Variants in NCOR1 observed in about 807,000 individuals in gnomAD.
The protein encoded by NCOR1 is nuclear receptor corepressor 1, also known as protein phosphatase 1, regulatory subunit 109.
A neutral mutation model predicts 288.1 loss-of-function variants in NCOR1; 63 were observed. The observed-to-expected ratio is 0.22, with a 90% CI of 0.18 to 0.27. NCOR1 has a LOEUF of 0.27. NCOR1 is among the 10% of genes least tolerant of loss of function. The pLI is 1.00. For missense variants in NCOR1, 2,397 were observed against 3,019.2 expected (o/e 0.79, Z 4.83); for synonymous variants, 1,007 against 1,065.9 (o/e 0.94, Z 1.08).
chr17:16,127,714 T>G (rs1010241953), intron 14 of NCOR1, among the ~76,000 whole-genome samples: 8 of 123,672 alleles, frequency 6.5e-5, no homozygotes, highest in African/African-American at 1.6e-4. Context: ...TATGTGTGTG[T>G]ATATATACAT....
intron 40 of NCOR1, among the ~76,000 whole-genome samples, chr17:16,052,196 T>G (rs961770239): frequency 4.0e-5 from 6 of 151,626 alleles, no homozygotes; most frequent in African/African-American, 1.5e-4. Context: ...GTATTTCTTT[T>G]TTTTTTTTTA....
In NCOR1 at chr17:16,090,806, G is replaced by C. The variant is rs1403436968; in HGVS notation, c.3016+1057C>G. On this transcript the variant is annotated intron_variant, in intron 22 of 45. Coordinates refer to ENST00000268712, the MANE Select transcript of NCOR1 (RefSeq NM_006311.4). ...TATTGGTGTGATCTGGGCAGAGTCA[G>C]CAGGATCAGTTAAGTACCACAGTTC... 4.6e-5 allele frequency among the ~76,000 whole-genome samples: 7 copies of C among 152,170 alleles called. No individual in the cohort carries two copies. In the East Asian group the frequency reaches 1.2e-3, roughly 25 times the overall value.
At chr17:16,107,284 C>A (rs972852030) in intron 19 of NCOR1, among the ~76,000 whole-genome samples, 1 of 151,984 alleles carries the variant, frequency 6.6e-6, no homozygotes, top group Non-Finnish European at 1.5e-5. Flanking sequence ...AGCCCTACCC[C>A]CCAATGTAAC....
At chr17:16,039,322 CTG>C (rs1567644262) in intron 44 of NCOR1, 109 bp downstream of exon 44, 2 of 1,054,628 alleles carry the variant, frequency 1.9e-6, no homozygotes, top group African/African-American at 3.2e-5. Context: ...AGAGGTGACT[CTG>C]AGCACATAAA....
rs2092416083 is a variant in NCOR1, at chr17:16,214,846, GT to G, written c.-71+515del. On this transcript the variant is annotated intron_variant, in intron 1 of 45. Coordinates refer to ENST00000268712, the MANE Select transcript of NCOR1 (RefSeq NM_006311.4). The stretch of plus-strand genomic sequence containing the variant: ...GTTCGGATCTTTGCCATCTCCACCA[GT>G]ACCCAGCCTTCGCCATTACACCCTG... 3.9e-5 allele frequency among the ~76,000 whole-genome samples: 6 copies of G among 152,328 alleles called. No individual in the cohort carries two copies. In the South Asian group the frequency reaches 1.2e-3, roughly 32 times the overall value.
intron 23 of NCOR1, chr17:16,084,476 A>G (rs2063902335): frequency 6.6e-6 from 1 of 152,482 alleles, no homozygotes; most frequent in Non-Finnish European, 1.5e-5. Flanking sequence ...AGCTGATTAT[A>G]TAATTTATAT....
chr17:16,074,136 G>C (rs2062096776), intron 27 of NCOR1, among the ~76,000 whole-genome samples: 1 of 152,090 alleles, frequency 6.6e-6, no homozygotes. Context: ...GGAAGAGTGT[G>C]GGGGAGGTAA....
intron 6 of NCOR1, among the ~76,000 whole-genome samples, chr17:16,154,513 TGC>T (rs1056069991): frequency 1.3e-5 from 2 of 152,102 alleles, no homozygotes; most frequent in African/African-American, 2.4e-5. Flanking sequence ...GGTAACAGTG[TGC>T]TTGGCAGAAA....
intron 15 of NCOR1, among the ~76,000 whole-genome samples, chr17:16,124,618 C>T (rs1426663717): frequency 1.3e-5 from 2 of 152,188 alleles, no homozygotes; most frequent in Non-Finnish European, 2.9e-5. Flanking sequence ...CTACCACACC[C>T]CTGTATGTCC....
chr17:16,175,770 G>A (rs1448096137), intron 3 of NCOR1, among the ~76,000 whole-genome samples: 1 of 151,100 alleles, frequency 6.6e-6, no homozygotes, highest in Non-Finnish European at 1.5e-5. Context: ...TGTAATCTGA[G>A]CTACTCAGAA....
At position 16,080,402 on chromosome 17, in the gene NCOR1, T is replaced by C. The variant is rs755418237; in HGVS notation, c.3400+6A>G. On this transcript the variant is annotated splice_donor_region_variant and intron_variant, in intron 25 of 45. Transcript: ENST00000268712. ...TTTAACATTTCTGCCAACCAGCATATTTTACCTCTGACTACACCTTCATGT... is the reference window on the plus strand; with the variant it reads ...TTTAACATTTCTGCCAACCAGCATACTTTACCTCTGACTACACCTTCATGT... 4 of 1,607,598 alleles carry C rather than the reference T, an allele frequency of 2.5e-6. No homozygotes were observed. In the South Asian group the frequency reaches 4.4e-5, roughly 18 times the overall value.
Position 16,095,234 on chromosome 17 carries a change from A to G in NCOR1, c.2820+3133T>C, listed in dbSNP as rs1598510466. On this transcript the variant is annotated intron_variant, in intron 21 of 45. Transcript: ENST00000268712. The stretch of plus-strand genomic sequence containing the variant: ...ACCCCGCCGCCCCGTCTGGGATGTG[A>G]GGAGCACCTCGGCCCGGCCGCGACC... Among the ~76,000 whole-genome samples, 3 of 146,380 alleles carry G rather than the reference A, an allele frequency of 2.0e-5. No individual in the cohort carries two copies. The East Asian group carries it at 6.4e-4, about 31-fold the overall frequency.
chr17:16,029,263 A>C lies in NCOR1; in HGVS notation c.*3033T>G, dbSNP rs1021803207. Reference sequence around the variant, plus strand: ...TAGGAGTTTTCAGGACAGTCTCTTCATGTGGGTGTTTTCATTACAGTTCAT... The same window carrying C: ...TAGGAGTTTTCAGGACAGTCTCTTCCTGTGGGTGTTTTCATTACAGTTCAT... On this transcript the variant is annotated 3_prime_UTR_variant, in exon 46 of 46. Coordinates refer to ENST00000268712, the MANE Select transcript of NCOR1 (RefSeq NM_006311.4). 1 of 453,714 alleles carries C rather than the reference A, an allele frequency of 2.2e-6. No homozygotes were observed. Among genetic ancestry groups the C allele is most frequent in the Non-Finnish European group, 4.4e-6 (1 of 226,682 alleles). The allele number at this position is 453,714 out of a possible 1,614,324, so 28.1% of individuals were successfully genotyped here. A position where few individuals can be genotyped will look rare whatever the true frequency, so the allele number is the denominator to read the frequency against.
At chr17:16,090,581 C>T (rs1482444544) in intron 22 of NCOR1, among the ~76,000 whole-genome samples, 1 of 152,148 alleles carries the variant, frequency 6.6e-6, no homozygotes, top group Non-Finnish European at 1.5e-5. Context: ...CTAGACCCAA[C>T]AGAGTAAAAG....
intron 17 of NCOR1, 62 bp downstream of exon 17, chr17:16,119,361 C>A: frequency 8.4e-7 from 1 of 1,192,318 alleles, no homozygotes; most frequent in South Asian, 1.3e-5. Context: ...CCATCTCACT[C>A]ATTACTAATA....
At chr17:16,126,383 G>C (rs1187066513) in intron 14 of NCOR1, among the ~76,000 whole-genome samples, 177 bp from the exon 15 acceptor site, 4 of 151,948 alleles carry the variant, frequency 2.6e-5, no homozygotes, top group Non-Finnish European at 1.5e-5. Context: ...TATATGTACT[G>C]CTTGAAGGGT....
At chr17:16,145,074 A>G (rs549714827) in intron 10 of NCOR1, among the ~76,000 whole-genome samples, 10 of 152,114 alleles carry the variant, frequency 6.6e-5, no homozygotes, top group Non-Finnish European at 4.4e-5. Flanking sequence ...TGGTTTTTGT[A>G]TTTTTTGGTG....
chr17:16,126,418 T>C (rs959902785), intron 14 of NCOR1, among the ~76,000 whole-genome samples: 7 of 152,166 alleles, frequency 4.6e-5, no homozygotes, highest in Non-Finnish European at 8.8e-5. Flanking sequence ...CAAATGCTCA[T>C]AGCATTTGGA....
intron 14 of NCOR1, among the ~76,000 whole-genome samples, chr17:16,136,971 A>G (rs1467535383): frequency 6.6e-6 from 1 of 152,138 alleles, no homozygotes; most frequent in East Asian, 1.9e-4. Flanking sequence ...CTCCTCAGAT[A>G]AACAGACTGG....
Sources: gnomAD v4.1 joint callset for allele counts (sites outside exome capture counted in the v4.1 genomes callset) on GRCh38, gnomAD v4.1.1 for gene constraint, MANE v1.5 for transcripts, NCBI Gene and HGNC (gene_info 2026-07-23, HGNC 2026-07-21) for gene names.